FBXL7: variants seen among roughly 807,000 people sequenced by gnomAD.
The protein encoded by FBXL7 is F-box and leucine rich repeat protein 7, also known as F-box/LRR-repeat protein 7.
A neutral mutation model predicts 38.3 loss-of-function variants in FBXL7; 12 were observed. The ratio of observed to expected loss-of-function variants is 0.31; its 90% CI spans 0.20 to 0.51. FBXL7 has a LOEUF of 0.51. Among genes scored for constraint, FBXL7 ranks in the 20% least tolerant of loss-of-function variants. FBXL7 has a pLI of 0.98. For synonymous variants in FBXL7, 297 were observed against 300.9 expected (o/e 0.99, Z 0.13); for missense variants, 567 against 676.4 (o/e 0.84, Z 1.79).
chr5:15,628,152 T>C (rs1740878972), intron 2 of FBXL7, among the ~76,000 whole-genome samples: 1 of 152,170 alleles, frequency 6.6e-6, no homozygotes, highest in Non-Finnish European at 1.5e-5. Flanking sequence ...AACTTTCTGT[T>C]GTTTATAGCG....
chr5:15,824,124 C>T (rs1003711369), intron 2 of FBXL7, among the ~76,000 whole-genome samples: 2 of 151,342 alleles, frequency 1.3e-5, no homozygotes, highest in South Asian at 2.1e-4. Flanking sequence ...GGTGAAACCC[C>T]GTCTCTACTA....
chr5:15,722,930 C>CAAAAAAAAAAA (rs1554017097), intron 2 of FBXL7, among the ~76,000 whole-genome samples: 5 of 142,118 alleles, frequency 3.5e-5, no homozygotes, highest in African/African-American at 1.3e-4. Context: ...TCAAAAAAAA[C>CAAAAAAAAAAA]AAAAAAAAAA....
In FBXL7 at chr5:15,852,152, T is replaced by C. The variant is rs1279840905; in HGVS notation, c.128-75738T>C. 2.6e-5 allele frequency among the ~76,000 whole-genome samples: 4 copies of C among 152,268 alleles called. No individual in the cohort carries two copies. The East Asian group carries it at 7.7e-4, about 29-fold the overall frequency. On this transcript the variant is annotated intron_variant, in intron 2 of 3. Transcript: ENST00000504595. ...TGACTTGCACTATCCTTCCAAACTT[T>C]GGAATATCTCTCTGGTATTGGATTG...
chr5:15,583,172 C>T (rs551705153), intron 1 of FBXL7, among the ~76,000 whole-genome samples: 8 of 152,184 alleles, frequency 5.3e-5, no homozygotes, highest in South Asian at 2.1e-4. Flanking sequence ...TCAGATCTTA[C>T]GAGAACTCAC....
intron 2 of FBXL7, among the ~76,000 whole-genome samples, chr5:15,794,989 C>T (rs189444961): frequency 2.0e-5 from 3 of 152,258 alleles, no homozygotes; most frequent in Non-Finnish European, 2.9e-5. Flanking sequence ...AGTGTGATGC[C>T]TTAGCATGAA....
At chr5:15,864,402 AC>A (rs1364473338) in intron 2 of FBXL7, among the ~76,000 whole-genome samples, 1 of 151,132 alleles carries the variant, frequency 6.6e-6, no homozygotes, top group African/African-American at 2.4e-5. Flanking sequence ...TGTAAATCAA[AC>A]TTTTTTTTTC....
chr5:15,873,463 A>G (rs1268893515), intron 2 of FBXL7, among the ~76,000 whole-genome samples: 2 of 152,210 alleles, frequency 1.3e-5, no homozygotes, highest in African/African-American at 4.8e-5. Flanking sequence ...CAAAAAAATC[A>G]ATGAATCCAG....
At chr5:15,830,570 G>A (rs1343020731) in intron 2 of FBXL7, among the ~76,000 whole-genome samples, 2 of 151,628 alleles carry the variant, frequency 1.3e-5, no homozygotes, top group Non-Finnish European at 2.9e-5. Flanking sequence ...AATCAGGTAA[G>A]ACTTCAATCT....
At chr5:15,683,864 C>T (rs894428578) in intron 2 of FBXL7, among the ~76,000 whole-genome samples, 4 of 152,092 alleles carry the variant, frequency 2.6e-5, no homozygotes, top group African/African-American at 9.7e-5. Context: ...CTTTCACGTT[C>T]CCCCTATATG....
intron 2 of FBXL7, among the ~76,000 whole-genome samples, chr5:15,640,906 A>C (rs577963538): frequency 2.2e-4 from 33 of 152,266 alleles, no homozygotes; most frequent in Middle Eastern, 3.4e-3. Context: ...CTTTCTTCGC[A>C]TCCTTTGCCT....
intron 1 of FBXL7, among the ~76,000 whole-genome samples, chr5:15,611,840 G>A (rs1328806377): frequency 2.0e-5 from 3 of 151,656 alleles, no homozygotes; most frequent in African/African-American, 7.3e-5. Context: ...AAAAAATGCT[G>A]GGTATGGTGG....
At chr5:15,509,521 C>G (rs1736735664) in intron 1 of FBXL7, among the ~76,000 whole-genome samples, 1 of 152,140 alleles carries the variant, frequency 6.6e-6, no homozygotes, top group African/African-American at 2.4e-5. Flanking sequence ...GAGTTACCCT[C>G]TAAGTAATGA....
intron 2 of FBXL7, among the ~76,000 whole-genome samples, chr5:15,848,047 G>C (rs1294602323): frequency 1.3e-5 from 2 of 152,130 alleles, no homozygotes. Context: ...CACAAAAACT[G>C]TGAGAAAATA....
intron 1 of FBXL7, among the ~76,000 whole-genome samples, chr5:15,587,694 T>G (rs759277808): frequency 6.6e-6 from 1 of 152,172 alleles, no homozygotes; most frequent in Non-Finnish European, 1.5e-5. Context: ...CCCAAAGCTA[T>G]TAAGAGATGA....
At chr5:15,580,831 C>T (rs570737171) in intron 1 of FBXL7, 1 of 984,794 alleles carries the variant, frequency 1.0e-6, no homozygotes, top group South Asian at 4.7e-5. Context: ...AGTCATGGGC[C>T]TGGAGACTAT....
intron 2 of FBXL7, among the ~76,000 whole-genome samples, chr5:15,699,038 T>G (rs1056937412): frequency 6.6e-6 from 1 of 152,294 alleles, no homozygotes; most frequent in Admixed American, 6.5e-5. Context: ...CCCCAATTCT[T>G]TGTGAGGTAG....
In FBXL7 at chr5:15,938,352, C is replaced by T. The variant is rs1192075106; in HGVS notation, c.*1166C>T. On this transcript the variant is annotated 3_prime_UTR_variant, in exon 4 of 4. Coordinates refer to ENST00000504595, the MANE Select transcript of FBXL7 (RefSeq NM_012304.5). ...ATGTCCTCAAAAGTTTTTCTGATCCCTCGCCTTGCACACCTGGCATGCATC... is the reference window on the plus strand; with the variant it reads ...ATGTCCTCAAAAGTTTTTCTGATCCTTCGCCTTGCACACCTGGCATGCATC... 1 of 152,192 alleles carries T rather than the reference C, an allele frequency of 6.6e-6. No homozygotes were observed. The highest frequency in any genetic ancestry group is 1.5e-5 in the Non-Finnish European group (1 of 68,046). The allele number at this position is 152,192 out of a possible 1,614,324, so 9.4% of individuals were successfully genotyped here.
At chr5:15,586,145 G>A (rs1016036527) in intron 1 of FBXL7, among the ~76,000 whole-genome samples, 1 of 152,064 alleles carries the variant, frequency 6.6e-6, no homozygotes, top group Admixed American at 6.6e-5. Context: ...GAATCTGGGG[G>A]GTATTAAGAT....
At chr5:15,766,039 T>TCTGTCTGTCTACCTACCTACCTAC (rs750041644) in intron 2 of FBXL7, among the ~76,000 whole-genome samples, 1 of 114,874 alleles carries the variant, frequency 8.7e-6, no homozygotes, top group Admixed American at 9.1e-5. Context: ...TGTCTGTCTG[T>TCTGTCTGTCTACCTACCTACCTAC]CTATCTACCT....
Sources: gnomAD v4.1 joint callset for allele counts (sites outside exome capture counted in the v4.1 genomes callset) on GRCh38, gnomAD v4.1.1 for gene constraint, MANE v1.5 for transcripts, NCBI Gene and HGNC (gene_info 2026-07-23, HGNC 2026-07-21) for gene names.